Variants in FBXO9 observed in about 807,000 individuals in gnomAD.
FBXO9 encodes the protein F-box only protein 9.
A neutral mutation model predicts 63.7 loss-of-function variants in FBXO9; 43 were observed. The observed-to-expected ratio is 0.67, with a 90% confidence interval of 0.53 to 0.87. The LOEUF (loss-of-function observed/expected upper bound fraction) is 0.87. Ranked by LOEUF, FBXO9 falls within the 40% of genes least tolerant of loss-of-function variation. The probability of loss-of-function intolerance (pLI) is 0.00; values close to 1 mark genes in which losing one functional copy is unlikely to be tolerated. For synonymous variants in FBXO9, 156 were observed against 171.7 expected (o/e 0.91, Z 0.72); for missense variants, 442 against 533.2 (o/e 0.83, Z 1.68).
intron 8 of FBXO9, 58 bp from the exon 9 acceptor site, chr6:53,092,676 A>G (rs1391949219): frequency 2.8e-6 from 4 of 1,450,986 alleles, no homozygotes; most frequent in Non-Finnish European, 2.9e-6. Context: ...CACAGTAAAT[A>G]TAATGCTGGG....
chr6:53,075,737 A>ATTTTTTTTTTT (rs1203980167), intron 3 of FBXO9, among the ~76,000 whole-genome samples: 4 of 102,908 alleles, frequency 3.9e-5, no homozygotes, highest in Admixed American at 1.3e-4. Flanking sequence ...ATATATAATT[A>ATTTTTTTTTTT]TTTTTTTTTT....
intron 12 of FBXO9, 135 bp downstream of exon 12, chr6:53,095,799 C>A: frequency 1.3e-6 from 1 of 792,926 alleles, no homozygotes; most frequent in Non-Finnish European, 1.8e-6. Context: ...CTACTACAAA[C>A]TACTACAAAC....
chr6:53,088,256 A>C (rs188965146), intron 7 of FBXO9, among the ~76,000 whole-genome samples: 190 of 152,336 alleles, frequency 1.2e-3, no homozygotes, highest in Admixed American at 3.3e-3. Context: ...GTTTTATCTC[A>C]ACATGAATGG....
chr6:53,092,918 C>T (rs1763086219), intron 9 of FBXO9, 94 bp downstream of exon 9: 1 of 712,610 alleles, frequency 1.4e-6, no homozygotes, highest in African/African-American at 1.8e-5. Context: ...GATTGACCCG[C>T]AAAATGGCCC....
chr6:53,092,582 T>C (rs1459191106), intron 8 of FBXO9, 35 bp downstream of exon 8: 2 of 1,540,356 alleles, frequency 1.3e-6, no homozygotes, highest in South Asian at 1.1e-5. Flanking sequence ...GCAGAAATAC[T>C]GATCTATAAT....
chr6:53,073,926 A>G (rs978604933), intron 3 of FBXO9, among the ~76,000 whole-genome samples: 1 of 152,146 alleles, frequency 6.6e-6, no homozygotes, highest in Non-Finnish European at 1.5e-5. Context: ...TGTGGTTCCT[A>G]AAAGATTGGT....
intron 3 of FBXO9, 21 bp from the exon 4 acceptor site, chr6:53,076,465 T>G (rs1581812088): frequency 6.7e-7 from 1 of 1,501,130 alleles, no homozygotes; most frequent in East Asian, 2.5e-5. Context: ...TTTCAAAAAT[T>G]TTTACTTTAT....
chr6:53,090,520 GAA>G (rs1215436328), intron 7 of FBXO9, among the ~76,000 whole-genome samples: 5 of 152,164 alleles, frequency 3.3e-5, no homozygotes, highest in Admixed American at 1.3e-4. Flanking sequence ...AACAAAGAAA[GAA>G]AGAATTGGTT....
At chr6:53,092,945 G>C in intron 9 of FBXO9, 121 bp downstream of exon 9, 1 of 541,200 alleles carries the variant, frequency 1.8e-6, no homozygotes, top group Non-Finnish European at 3.2e-6. Context: ...TTTTTATCTA[G>C]TACTCAATGT....
chr6:53,088,880 G>A (rs1161196368), intron 7 of FBXO9, among the ~76,000 whole-genome samples: 10 of 150,872 alleles, frequency 6.6e-5, no homozygotes, highest in African/African-American at 2.2e-4. Context: ...AATTACAGGC[G>A]TGAGCCACCG....
At chr6:53,077,845 A>G (rs1006586341) in intron 4 of FBXO9, among the ~76,000 whole-genome samples, 2 of 152,204 alleles carry the variant, frequency 1.3e-5, no homozygotes, top group Non-Finnish European at 2.9e-5. Context: ...TTCATCCAGA[A>G]TAATAGAACA....
At chr6:53,088,131 T>A (rs536393172) in intron 7 of FBXO9, among the ~76,000 whole-genome samples, 3 of 152,206 alleles carry the variant, frequency 2.0e-5, no homozygotes, top group Non-Finnish European at 4.4e-5. Flanking sequence ...CACATCTCTG[T>A]CTCCTACTTA....
intron 12 of FBXO9, among the ~76,000 whole-genome samples, chr6:53,096,880 T>C (rs1292106543): frequency 5.9e-5 from 9 of 152,138 alleles, no homozygotes; most frequent in Admixed American, 5.2e-4. Flanking sequence ...CACTCCAGCC[T>C]CGGTGATAGA....
chr6:53,075,862 G>T (rs1769089437), intron 3 of FBXO9, among the ~76,000 whole-genome samples: 1 of 143,504 alleles, frequency 7.0e-6, no homozygotes, highest in South Asian at 2.3e-4. Context: ...TCCTGCCTCA[G>T]CCTCCAGAGT....
At chr6:53,092,583 G>C (rs1763073035) in intron 8 of FBXO9, 36 bp downstream of exon 8, 1 of 1,536,046 alleles carries the variant, frequency 6.5e-7, no homozygotes, top group Admixed American at 1.7e-5. Context: ...CAGAAATACT[G>C]ATCTATAATG....
At chr6:53,071,743 C>A (rs1337087247) in intron 2 of FBXO9, among the ~76,000 whole-genome samples, 1 of 152,228 alleles carries the variant, frequency 6.6e-6, no homozygotes, top group African/African-American at 2.4e-5. Flanking sequence ...GTACAGCTTT[C>A]TGGAGGGCAG....
intron 6 of FBXO9, 26 bp downstream of exon 6, chr6:53,081,124 CAGTG>C (rs749790779): frequency 1.9e-6 from 3 of 1,591,984 alleles, no homozygotes; most frequent in East Asian, 4.5e-5. Flanking sequence ...TTTCATAACT[CAGTG>C]AGAAATATCT....
chr6:53,072,238 C>T (rs539778818), intron 2 of FBXO9, among the ~76,000 whole-genome samples: 2 of 151,126 alleles, frequency 1.3e-5, no homozygotes, highest in African/African-American at 2.4e-5. Flanking sequence ...AAAAAGGAAG[C>T]CAGGAATAAC....
At chr6:53,083,014 A>G (rs985041261) in intron 7 of FBXO9, among the ~76,000 whole-genome samples, 1 of 152,218 alleles carries the variant, frequency 6.6e-6, no homozygotes, top group Non-Finnish European at 1.5e-5. Context: ...AAGTTATTCT[A>G]TATTTTGAAA....
Sources: gnomAD v4.1 joint callset for allele counts (sites outside exome capture counted in the v4.1 genomes callset) on GRCh38, gnomAD v4.1.1 for gene constraint, MANE v1.5 for transcripts, NCBI Gene and HGNC (gene_info 2026-07-23, HGNC 2026-07-21) for gene names.